Variants in BRD8 observed in about 807,000 individuals in gnomAD.
BRD8 encodes the protein bromodomain containing 8.
BRD8 carries 67 observed loss-of-function variants against 143.1 expected under a neutral mutation model. The observed-to-expected ratio is 0.47, with a 90% confidence interval of 0.38 to 0.57. BRD8 has a LOEUF of 0.57. BRD8 is among the 20% of genes least tolerant of loss of function. BRD8 has a pLI of 0.00. For missense variants in BRD8, 1,103 were observed against 1,503.0 expected (o/e 0.73, Z 4.40); for synonymous variants, 505 against 517.1 (o/e 0.98, Z 0.32).
intron 23 of BRD8, among the ~76,000 whole-genome samples, chr5:138,146,194 A>G (rs766286364): frequency 8.6e-5 from 13 of 151,694 alleles, no homozygotes; most frequent in Non-Finnish European, 1.5e-5. Flanking sequence ...AGTAGCTGGG[A>G]CTAAAGTTGC....
chr5:138,163,401 C>T lies in BRD8; in HGVS notation c.1873-57G>A, dbSNP rs560316304. 2.3e-3 allele frequency: 3,654 copies of T among 1,577,244 alleles called. 7 individuals are homozygous for T. Among genetic ancestry groups the T allele is most frequent in the Non-Finnish European group, 3.0e-3 (3,467 of 1,150,468 alleles). ...CAAGCAAAGCTATCCAGCAAAGCAT[C>T]ATTAAACATGATCTGTCTTTTGGGT... On this transcript the variant is annotated intron_variant, in intron 14 of 26. Coordinates refer to ENST00000254900, the MANE Select transcript of BRD8 (RefSeq NM_139199.2).
chr5:138,150,815 C>G lies in BRD8; in HGVS notation c.3050G>C (p.Gly1017Ala). ...GGGAGCTGAAGCCACCTCTGGCTTT[C>G]CATTTTCTCCCAGTGGCTTTTCAGC... ...LVAEKPLGEN[G>A]KPEVASAPSV... Residue 1017 changes from glycine (G) to alanine (A), a missense_variant, in exon 22 of 27, where the codon GGA (glycine) becomes GCA (alanine). Transcript: ENST00000254900. 6.2e-7 allele frequency: 1 copy of G among 1,614,254 alleles called. No homozygotes were observed. Among genetic ancestry groups the G allele is most frequent in the Non-Finnish European group, 8.5e-7 (1 of 1,180,048 alleles).
chr5:138,167,517 T>C (rs562976127), intron 9 of BRD8: 1 of 203,980 alleles, frequency 4.9e-6, no homozygotes, highest in African/African-American at 2.4e-5. Context: ...GTGAAGTATA[T>C]ATGTTACAAT....
Position 138,171,090 on chromosome 5 carries a change from C to G in BRD8, c.307G>C (p.Glu103Gln). The change falls in exon 5 of 27, where the codon GAG becomes CAG. Residue 103 changes from glutamate to glutamine, a missense_variant. This residue lies in a region of BRD8 where 334 missense variants were observed against 372.5 expected (regional missense o/e 0.90). Coordinates refer to ENST00000254900, the MANE Select transcript of BRD8 (RefSeq NM_139199.2). ...EDVIVRKLTA[E>Q]RVEELKKVIK... ...ACTTTCTTTAGTTCTTCAACTCGCT[C>G]AGCAGTCAATTTCCGAACAATAACA... 1 of 1,613,912 alleles carries G rather than the reference C, an allele frequency of 6.2e-7. No individual in the cohort carries two copies. Among genetic ancestry groups the G allele is most frequent in the Admixed American group, 1.7e-5 (1 of 60,012 alleles).
At chr5:138,164,631 C>T (rs904509807) in intron 12 of BRD8, 83 bp downstream of exon 12, 10 of 1,504,282 alleles carry the variant, frequency 6.6e-6, no homozygotes, top group Admixed American at 4.0e-5. Flanking sequence ...AGGAATGCAA[C>T]TGGAAAACCA....
rs116294565 is a variant in BRD8, at chr5:138,155,930, G to C, written c.2578-3170C>G. 2.4e-3 allele frequency among the ~76,000 whole-genome samples: 358 copies of C among 152,242 alleles called. 3 individuals carry two copies. The highest frequency in any genetic ancestry group is 7.6e-3 in the African/African-American group (316 of 41,548). Reference sequence around the variant, plus strand: ...GCTCTTTCACCCAGGCTGGAGTGCAGTGATGCAATTATAGGTCATTGCCAA... The same window carrying C: ...GCTCTTTCACCCAGGCTGGAGTGCACTGATGCAATTATAGGTCATTGCCAA... On this transcript the variant is annotated intron_variant, in intron 20 of 26. Transcript: ENST00000254900.
At chr5:138,174,731 C>T (rs1337170498) in intron 2 of BRD8, among the ~76,000 whole-genome samples, 1 of 152,088 alleles carries the variant, frequency 6.6e-6, no homozygotes, top group Admixed American at 6.6e-5. Context: ...GAAGGTCAAG[C>T]AGCCACCGTG....
intron 14 of BRD8, 186 bp from the exon 15 acceptor site, chr5:138,163,530 G>T: frequency 6.9e-7 from 1 of 1,454,916 alleles, no homozygotes; most frequent in South Asian, 1.3e-5. Context: ...TTTAGAACCT[G>T]GACAAAGAAT....
chr5:138,170,922 G>GA lies in BRD8; in HGVS notation c.360-11dup, dbSNP rs1753813783. On this transcript the variant is annotated splice_polypyrimidine_tract_variant and intron_variant, in intron 5 of 26. Coordinates refer to ENST00000254900, the MANE Select transcript of BRD8 (RefSeq NM_139199.2). ...ATCTCTCTTTAGCCGTCTATAGGAA[G>GA]AAAGAGAGGTAGGTAGACTGGGTTT... 13 of 1,613,746 alleles carry GA rather than the reference G, an allele frequency of 8.1e-6. No individual in the cohort carries two copies. The highest frequency in any genetic ancestry group is 1.1e-5 in the Non-Finnish European group (13 of 1,179,636).
At chr5:138,169,070 AT>A (rs1753666684) in intron 8 of BRD8, 151 bp downstream of exon 8, 1 of 828,234 alleles carries the variant, frequency 1.2e-6, no homozygotes, top group Non-Finnish European at 1.8e-6. Flanking sequence ...GTCCGTTCTT[AT>A]CTCAGAGCAC....
Position 138,145,933 on chromosome 5 carries a change from T to C in BRD8, c.3279-55A>G, listed in dbSNP as rs191930218. On this transcript the variant is annotated intron_variant, in intron 23 of 26. Coordinates refer to ENST00000254900, the MANE Select transcript of BRD8 (RefSeq NM_139199.2). ...CAGTAACTTCACAAATAATATTCTATCTCCCCCAGGTGGGTAATGAGGTTT... is the reference window on the plus strand; with the variant it reads ...CAGTAACTTCACAAATAATATTCTACCTCCCCCAGGTGGGTAATGAGGTTT... The C allele has an allele frequency of 4.8e-4, 695 of 1,461,196 alleles. 6 individuals are homozygous for C. The Admixed American group carries it at 0.011, about 24-fold the overall frequency. 90.5% of individuals were successfully genotyped at this position (1,461,196 alleles called of 1,614,324 possible). A position where few individuals can be genotyped will look rare whatever the true frequency, so the allele number is the denominator to read the frequency against.
intron 6 of BRD8, 104 bp downstream of exon 6, chr5:138,170,728 C>T: frequency 9.0e-7 from 1 of 1,112,364 alleles, no homozygotes; most frequent in South Asian, 1.3e-5. Flanking sequence ...CAGAATCTGT[C>T]TCAAGTCTAA....
Position 138,152,497 on chromosome 5 carries a change from G to A in BRD8, c.2841C>T (p.Leu947=), listed in dbSNP as rs1752415156. 1.9e-6 allele frequency: 3 copies of A among 1,614,042 alleles called. No homozygotes were observed. The highest frequency in any genetic ancestry group is 2.5e-6 in the Non-Finnish European group (3 of 1,179,936). ...AARKASHQNL[L]HFLSEVAYLM... ...TCACTGTTACCTCAGAGAGAAAGTG[G>A]AGGAGGTTCTGGTGGCTGGCTTTCC... is the stretch of plus-strand genomic sequence containing the variant. The change falls in exon 21 of 27, where the codon CTC becomes CTT. Residue 947 remains leucine, a synonymous_variant. Coordinates refer to ENST00000254900, the MANE Select transcript of BRD8 (RefSeq NM_139199.2).
At chr5:138,152,817 A>C (rs1752424350) in intron 20 of BRD8, 57 bp from the exon 21 acceptor site, 2 of 1,552,216 alleles carry the variant, frequency 1.3e-6, no homozygotes, top group Admixed American at 1.8e-5. Context: ...TTCCTGAGGC[A>C]TCTCCATCTC....
At chr5:138,153,075 G>C (rs533667011) in intron 20 of BRD8, among the ~76,000 whole-genome samples, 1 of 152,282 alleles carries the variant, frequency 6.6e-6, no homozygotes, top group South Asian at 2.1e-4. Flanking sequence ...AGAAGGGAAA[G>C]AACTGGAGCA....
At chr5:138,158,460 CAG>C (rs1225553100) in intron 20 of BRD8, among the ~76,000 whole-genome samples, 1 of 151,816 alleles carries the variant, frequency 6.6e-6, no homozygotes, top group Admixed American at 6.6e-5. Flanking sequence ...TTGTTTGAGA[CAG>C]AGTTTCACTC....
intron 7 of BRD8, among the ~76,000 whole-genome samples, chr5:138,169,942 A>G (rs1285699664): frequency 2.6e-5 from 4 of 152,230 alleles, no homozygotes; most frequent in Non-Finnish European, 4.4e-5. Flanking sequence ...CTGTGCAGCA[A>G]GAGCAAAACT....
chr5:138,162,358 CTAATTTTT>C (rs1205344292), intron 15 of BRD8, among the ~76,000 whole-genome samples: 1 of 151,978 alleles, frequency 6.6e-6, no homozygotes, highest in African/African-American at 2.4e-5. Flanking sequence ...CCATGCCCAG[CTAATTTTT>C]TAATTTTTTT....
chr5:138,159,052 A>G (rs1752805816), intron 20 of BRD8, among the ~76,000 whole-genome samples: 2 of 151,956 alleles, frequency 1.3e-5, no homozygotes, highest in South Asian at 4.2e-4. Context: ...CAGCCTCCCA[A>G]AGTGTTGGAA....
Sources: allele counts gnomAD v4.1 joint callset (sites outside exome capture counted in the v4.1 genomes callset), GRCh38; gene constraint gnomAD v4.1.1; regional missense constraint gnomAD v4.1.1; transcripts MANE v1.5; gene names NCBI Gene and HGNC (gene_info 2026-07-23, HGNC 2026-07-21).